Variants in USP13 observed in about 807,000 individuals in gnomAD.
The protein encoded by USP13 is ubiquitin specific peptidase 13, also known as ubiquitin carboxyl-terminal hydrolase 13.
In USP13, 68 loss-of-function variants were observed where a neutral mutation model predicts 107.8. That is an observed-to-expected ratio of 0.63 (90% CI 0.52 to 0.77). The LOEUF is 0.77. Ranked by LOEUF, USP13 falls within the 30% of genes least tolerant of loss-of-function variation. USP13 has a pLI of 0.00. For missense variants in USP13, 945 were observed against 1,093.3 expected (o/e 0.86, Z 1.91); for synonymous variants, 377 against 389.5 (o/e 0.97, Z 0.38).
At chr3:179,743,894 C>T (rs1283101340) in intron 12 of USP13, among the ~76,000 whole-genome samples, 3 of 146,124 alleles carry the variant, frequency 2.1e-5, no homozygotes, top group South Asian at 2.2e-4. Context: ...CACATATGTG[C>T]GTAAGTGTAC....
At chr3:179,746,638 G>T (rs1714419244) in intron 13 of USP13, among the ~76,000 whole-genome samples, 1 of 152,118 alleles carries the variant, frequency 6.6e-6, no homozygotes, top group Non-Finnish European at 1.5e-5. Context: ...CTCCATGTTG[G>T]TCAGGCTGGT....
At chr3:179,696,548 G>T (rs1712334658) in intron 3 of USP13, among the ~76,000 whole-genome samples, 1 of 152,084 alleles carries the variant, frequency 6.6e-6, no homozygotes, top group African/African-American at 2.4e-5. Context: ...GGCAAAACCT[G>T]ACCTCGAACT....
At chr3:179,672,183 C>A (rs1192202524) in intron 1 of USP13, among the ~76,000 whole-genome samples, 1 of 152,044 alleles carries the variant, frequency 6.6e-6, no homozygotes, top group Non-Finnish European at 1.5e-5. Context: ...TATTTGCCAC[C>A]GTTTTAACAT....
At chr3:179,758,797 C>T (rs976388956) in intron 16 of USP13, among the ~76,000 whole-genome samples, 1 of 151,814 alleles carries the variant, frequency 6.6e-6, no homozygotes, top group Non-Finnish European at 1.5e-5. Flanking sequence ...CGCGCCCGGC[C>T]CTTAAAATTT....
intron 6 of USP13, 24 bp from the exon 7 acceptor site, chr3:179,719,916 G>A (rs771664762): frequency 6.3e-6 from 10 of 1,590,990 alleles, no homozygotes; most frequent in Non-Finnish European, 8.6e-6. Context: ...TGATTGCAGT[G>A]CTTATTTTCT....
chr3:179,772,184 G>T (rs1267877115), intron 19 of USP13, among the ~76,000 whole-genome samples: 1 of 152,206 alleles, frequency 6.6e-6, no homozygotes, highest in African/African-American at 2.4e-5. Context: ...ACATTTTAGG[G>T]CTAGCACCTA....
At chr3:179,701,491 C>T (rs749537094) in intron 4 of USP13, among the ~76,000 whole-genome samples, 1 of 152,170 alleles carries the variant, frequency 6.6e-6, no homozygotes, top group Non-Finnish European at 1.5e-5. Flanking sequence ...TGGAGAGGGA[C>T]TCTTTTCTGA....
intron 8 of USP13, among the ~76,000 whole-genome samples, chr3:179,723,175 C>T (rs1258309044): frequency 6.6e-6 from 1 of 152,196 alleles, no homozygotes; most frequent in Non-Finnish European, 1.5e-5. Context: ...ATCCTAATGG[C>T]TTTAACGGCG....
rs377225090 is a variant in USP13, at chr3:179,680,124, G to A, written c.169-1754G>A. ...GGAGACTGAGGCTGCAGTGAGCCGG[G>A]ATCCTGCCATTACACTCCAGCCTGG... On this transcript the variant is annotated intron_variant, in intron 1 of 20. Transcript: ENST00000263966. Among the ~76,000 whole-genome samples the A allele has an allele frequency of 2.6e-5, 4 of 152,008 alleles. No individual in the cohort carries two copies. In the South Asian group the frequency reaches 6.2e-4, roughly 24 times the overall value.
intron 1 of USP13, among the ~76,000 whole-genome samples, chr3:179,665,539 C>T (rs1014225236): frequency 1.3e-5 from 2 of 152,114 alleles, no homozygotes; most frequent in Non-Finnish European, 2.9e-5. Flanking sequence ...GGTCTTTAAG[C>T]CCTGATGAGT....
chr3:179,738,388 C>G (rs1384722766), intron 10 of USP13, among the ~76,000 whole-genome samples: 1 of 152,170 alleles, frequency 6.6e-6, no homozygotes, highest in African/African-American at 2.4e-5. Flanking sequence ...TTGCTACAGA[C>G]AGCCTGGAAC....
intron 8 of USP13, among the ~76,000 whole-genome samples, chr3:179,726,851 A>AT (rs1232395692): frequency 1.1e-4 from 17 of 150,786 alleles, no homozygotes; most frequent in Admixed American, 7.9e-4. Flanking sequence ...CTAATTTTTA[A>AT]TTTTTTTTTG....
chr3:179,770,259 C>T (rs1056232810), intron 19 of USP13, among the ~76,000 whole-genome samples: 10 of 152,176 alleles, frequency 6.6e-5, no homozygotes, highest in African/African-American at 2.2e-4. Flanking sequence ...TAGCCAGAAA[C>T]ATATGCTTCT....
intron 17 of USP13, among the ~76,000 whole-genome samples, chr3:179,761,653 C>T (rs755579276): frequency 2.6e-4 from 40 of 152,000 alleles, no homozygotes; most frequent in Admixed American, 4.6e-4. Context: ...ACGCAGGAGG[C>T]GGAGGCTGCA....
At chr3:179,767,731 G>A (rs996485281) in intron 19 of USP13, among the ~76,000 whole-genome samples, 3 of 152,102 alleles carry the variant, frequency 2.0e-5, no homozygotes, top group African/African-American at 7.2e-5. Flanking sequence ...GTCTAGCATG[G>A]TGCTAGACAC....
chr3:179,676,700 G>A (rs952577302), intron 1 of USP13, among the ~76,000 whole-genome samples: 3 of 152,090 alleles, frequency 2.0e-5, no homozygotes, highest in Admixed American at 1.3e-4. Flanking sequence ...AGACTGGGGT[G>A]TTTGTTTGTT....
Position 179,653,516 on chromosome 3 carries a change from A to G in USP13, c.168+123A>G, listed in dbSNP as rs1560035598. 12 of 1,345,052 alleles carry G rather than the reference A, an allele frequency of 8.9e-6. No individual in the cohort carries two copies. In the East Asian group the frequency reaches 1.3e-4, roughly 15 times the overall value. The allele number at this position is 1,345,052 out of a possible 1,614,324, so 83.3% of individuals were successfully genotyped here. A position where few individuals can be genotyped will look rare whatever the true frequency, so the allele number is the denominator to read the frequency against. Reference sequence around the variant, plus strand: ...TTCCTCCGGGCGGCAGAGTTGGCTCAGGAACACTGCAGTTCGGCAGACACT... The same window carrying G: ...TTCCTCCGGGCGGCAGAGTTGGCTCGGGAACACTGCAGTTCGGCAGACACT... On this transcript the variant is annotated intron_variant, in intron 1 of 20. Coordinates refer to ENST00000263966, the MANE Select transcript of USP13 (RefSeq NM_003940.3). This position sits in a 1 kb window ranked among gnomAD's most constrained non-coding sequence, Gnocchi z 4.0.
chr3:179,724,690 C>T (rs142365440), intron 8 of USP13, among the ~76,000 whole-genome samples: 1 of 152,166 alleles, frequency 6.6e-6, no homozygotes, highest in Non-Finnish European at 1.5e-5. Flanking sequence ...GAATGACAAC[C>T]AAGGTAGATT....
At chr3:179,696,748 T>C (rs1044816897) in intron 3 of USP13, among the ~76,000 whole-genome samples, 1 of 152,258 alleles carries the variant, frequency 6.6e-6, no homozygotes, top group African/African-American at 2.4e-5. Context: ...TGTAGAAAGA[T>C]AACTTGGAAA....
Sources: allele counts gnomAD v4.1 joint callset (sites outside exome capture counted in the v4.1 genomes callset), GRCh38; gene constraint gnomAD v4.1.1; non-coding constraint Gnocchi (gnomAD v3.1); transcripts MANE v1.5; gene names NCBI Gene and HGNC (gene_info 2026-07-23, HGNC 2026-07-21).